The following DZIP3 variants were observed in gnomAD, a reference collection of about 807,000 sequenced individuals.
DZIP3 encodes the protein DAZ interacting zinc finger protein 3, also known as E3 ubiquitin-protein ligase DZIP3.
In DZIP3, 118 loss-of-function variants were observed where a neutral mutation model predicts 162.0. The ratio of observed to expected loss-of-function variants is 0.73; its 90% CI spans 0.63 to 0.85. The LOEUF is 0.85. Among genes scored for constraint, DZIP3 ranks in the 40% least tolerant of loss-of-function variants. The pLI is 0.00. For synonymous variants in DZIP3, 438 were observed against 458.6 expected (o/e 0.96, Z 0.57); for missense variants, 1,331 against 1,407.0 (o/e 0.95, Z 0.86).
chr3:108,631,055 A>ACACACACACACACACACACACACTCT, intron 8 of DZIP3, among the ~76,000 whole-genome samples: 5 of 18,012 alleles, frequency 2.8e-4, no homozygotes, highest in Non-Finnish European at 4.5e-4. Flanking sequence ...ACACACACAC[A>ACACACACACACACACACACACACTCT]CTCTCTCTCT....
intron 12 of DZIP3, among the ~76,000 whole-genome samples, chr3:108,639,122 T>C (rs2107625715): frequency 6.6e-6 from 1 of 152,378 alleles, no homozygotes; most frequent in Non-Finnish European, 1.5e-5. Flanking sequence ...CTTACTTAGA[T>C]TACAGTAGAT....
intron 12 of DZIP3, among the ~76,000 whole-genome samples, chr3:108,641,457 G>A (rs2107634508): frequency 6.6e-6 from 1 of 152,154 alleles, no homozygotes; most frequent in South Asian, 2.1e-4. Context: ...ATTAACAGAT[G>A]TTTATTTCTA....
intron 17 of DZIP3, among the ~76,000 whole-genome samples, chr3:108,649,191 C>T (rs868244863): frequency 2.0e-4 from 30 of 151,730 alleles, no homozygotes; most frequent in African/African-American, 6.8e-4. Flanking sequence ...TATATATTTG[C>T]ATATATAAAT....
At chr3:108,604,735 A>G (rs1375453318) in intron 1 of DZIP3, among the ~76,000 whole-genome samples, 1 of 152,212 alleles carries the variant, frequency 6.6e-6, no homozygotes, top group Non-Finnish European at 1.5e-5. Flanking sequence ...AAAAGAAAAC[A>G]AAACAGTGCT....
At chr3:108,692,522 A>G (rs1232351377) in intron 32 of DZIP3, among the ~76,000 whole-genome samples, 2 of 152,214 alleles carry the variant, frequency 1.3e-5, no homozygotes, top group East Asian at 1.9e-4. Flanking sequence ...ACATACATTT[A>G]AAGTCAGGGC....
intron 21 of DZIP3, among the ~76,000 whole-genome samples, chr3:108,668,670 C>G (rs951455282): frequency 2.6e-5 from 4 of 151,958 alleles, no homozygotes; most frequent in Admixed American, 2.6e-4. Context: ...AACATGACCT[C>G]TTTTGTACAG....
intron 1 of DZIP3, among the ~76,000 whole-genome samples, chr3:108,601,009 G>A (rs3923819): frequency 0.67 from 101,800 of 152,070 alleles, 34,410 homozygotes; most frequent in East Asian, 0.98. Flanking sequence ...ATGGATATCT[G>A]CATACTTTAT....
intron 26 of DZIP3, among the ~76,000 whole-genome samples, chr3:108,682,709 A>G (rs1224126250): frequency 6.6e-6 from 1 of 150,844 alleles, no homozygotes; most frequent in African/African-American, 2.5e-5. Context: ...TAAGATGATT[A>G]TAGTTAACAG....
intron 7 of DZIP3, among the ~76,000 whole-genome samples, chr3:108,627,358 GCTC>G (rs1233440302): frequency 2.0e-5 from 3 of 152,138 alleles, no homozygotes; most frequent in African/African-American, 7.2e-5. Flanking sequence ...CCACCACTGA[GCTC>G]CTCAAAGACA....
At chr3:108,595,606 A>G (rs545150153) in intron 1 of DZIP3, among the ~76,000 whole-genome samples, 5 of 152,318 alleles carry the variant, frequency 3.3e-5, no homozygotes, top group South Asian at 4.1e-4. Flanking sequence ...GAAGTAAATA[A>G]CACTTGCTCG....
At chr3:108,604,326 T>C (rs776192277) in intron 1 of DZIP3, among the ~76,000 whole-genome samples, 5 of 152,200 alleles carry the variant, frequency 3.3e-5, no homozygotes, top group Non-Finnish European at 7.4e-5. Context: ...CTTTCTTTTC[T>C]ATTTCTTCTT....
intron 27 of DZIP3, 52 bp downstream of exon 27, chr3:108,684,393 G>A (rs761264661): frequency 2.5e-6 from 4 of 1,577,574 alleles, no homozygotes; most frequent in African/African-American, 1.4e-5. Context: ...TATTACTCTA[G>A]TGGGCTTCCT....
intron 4 of DZIP3, among the ~76,000 whole-genome samples, chr3:108,615,465 C>T (rs1326413427): frequency 1.3e-5 from 2 of 152,050 alleles, no homozygotes; most frequent in Non-Finnish European, 2.9e-5. Context: ...TACTGGGTTA[C>T]TTTACCTAGA....
intron 12 of DZIP3, among the ~76,000 whole-genome samples, chr3:108,639,689 C>A (rs1258215756): frequency 6.7e-6 from 1 of 150,282 alleles, no homozygotes; most frequent in African/African-American, 2.4e-5. Flanking sequence ...TTTTTTTGAT[C>A]ATTCTGGATA....
chr3:108,631,410 T>C (rs1394780433), intron 8 of DZIP3, among the ~76,000 whole-genome samples: 1 of 151,874 alleles, frequency 6.6e-6, no homozygotes, highest in East Asian at 1.9e-4. Flanking sequence ...AGGTTCTTGC[T>C]CTGTCACCCT....
intron 25 of DZIP3, among the ~76,000 whole-genome samples, chr3:108,676,742 C>T (rs1034527271): frequency 6.6e-6 from 1 of 152,042 alleles, no homozygotes; most frequent in Non-Finnish European, 1.5e-5. Flanking sequence ...CTTAGCGTTT[C>T]TGTTGGGTTT....
At chr3:108,654,390 T>C in intron 19 of DZIP3, 80 bp downstream of exon 19, 1 of 1,479,248 alleles carries the variant, frequency 6.8e-7, no homozygotes, top group Non-Finnish European at 9.4e-7. Flanking sequence ...AGCATCACCC[T>C]TTGAAAAGCC....
In DZIP3 at chr3:108,672,550, T is replaced by G. The variant is rs1413892945; in HGVS notation, c.2493-10T>G. The G allele has an allele frequency of 1.5e-5, 24 of 1,607,426 alleles. No individual in the cohort carries two copies. The highest frequency in any genetic ancestry group is 2.0e-5 in the Non-Finnish European group (24 of 1,174,752). On this transcript the variant is annotated splice_polypyrimidine_tract_variant and intron_variant, in intron 22 of 32. Transcript: ENST00000361582. Reference sequence around the variant, plus strand: ...TAATATTGCGAGTCTTTAATGATCATGTATTTCAGATCTCAGTGGGAAATG... The same window carrying G: ...TAATATTGCGAGTCTTTAATGATCAGGTATTTCAGATCTCAGTGGGAAATG...
intron 21 of DZIP3, among the ~76,000 whole-genome samples, chr3:108,665,907 A>G (rs1169784389): frequency 3.3e-5 from 5 of 152,178 alleles, no homozygotes; most frequent in Admixed American, 3.3e-4. Context: ...ACAATGGAAA[A>G]TTATAAGAAT....
Sources: allele counts gnomAD v4.1 joint callset (sites outside exome capture counted in the v4.1 genomes callset), GRCh38; gene constraint gnomAD v4.1.1; transcripts MANE v1.5; gene names NCBI Gene and HGNC (gene_info 2026-07-23, HGNC 2026-07-21).